ERICH6: variants seen among roughly 807,000 people sequenced by gnomAD.
ERICH6 encodes glutamate-rich protein 6.
ERICH6 carries 71 observed loss-of-function variants against 71.0 expected under a neutral mutation model. The ratio of observed to expected loss-of-function variants is 1.00; its 90% CI spans 0.83 to 1.22. The LOEUF (loss-of-function observed/expected upper bound fraction) is 1.22. Among genes scored for constraint, ERICH6 ranks in the 50% most tolerant of loss-of-function variants. ERICH6 has a pLI of 0.00. For missense variants in ERICH6, 808 were observed against 797.2 expected (o/e 1.01, Z -0.16); for synonymous variants, 262 against 278.4 (o/e 0.94, Z 0.59).
intron 11 of ERICH6, among the ~76,000 whole-genome samples, chr3:150,673,433 C>T (rs1711537014): frequency 6.6e-6 from 1 of 152,106 alleles, no homozygotes; most frequent in Admixed American, 6.6e-5. Flanking sequence ...AAGTAATCCT[C>T]CTGCCTCAGC....
chr3:150,702,235 T>C (rs1712902359), intron 1 of ERICH6, 57 bp from the exon 2 acceptor site: 5 of 779,934 alleles, frequency 6.4e-6, no homozygotes, highest in Non-Finnish European at 1.0e-5. Flanking sequence ...AGGTCAATTC[T>C]ACCCCCCCCA....
intron 1 of ERICH6, among the ~76,000 whole-genome samples, chr3:150,702,922 G>GAGAGAGAGAGAGGGAGAGAGAA (rs1712963392): frequency 7.4e-6 from 1 of 135,336 alleles, no homozygotes; most frequent in South Asian, 2.8e-4. Context: ...GTGTCTGTGA[G>GAGAGAGAGAGAGGGAGAGAGAA]AGAGAGAGAG....
intron 7 of ERICH6, among the ~76,000 whole-genome samples, chr3:150,681,263 C>A (rs1412051413): frequency 6.6e-6 from 1 of 152,156 alleles, no homozygotes; most frequent in African/African-American, 2.4e-5. Flanking sequence ...TTGCCTGTTC[C>A]GTACAGTTTA....
At chr3:150,663,464 CT>C (rs2108036508) in intron 13 of ERICH6, among the ~76,000 whole-genome samples, 1 of 152,154 alleles carries the variant, frequency 6.6e-6, no homozygotes, top group East Asian at 1.9e-4. Flanking sequence ...TAAGTTTTTT[CT>C]TTTTTTCCTA....
chr3:150,674,271 C>T (rs1375487071), intron 10 of ERICH6, among the ~76,000 whole-genome samples: 1 of 151,938 alleles, frequency 6.6e-6, no homozygotes, highest in Non-Finnish European at 1.5e-5. Context: ...TCTGACATTA[C>T]ATATCTATTT....
At chr3:150,694,102 T>C (rs964493623) in intron 3 of ERICH6, among the ~76,000 whole-genome samples, 1 of 152,210 alleles carries the variant, frequency 6.6e-6, no homozygotes, top group Admixed American at 6.5e-5. Flanking sequence ...GCTGTTGTTT[T>C]TCTCCCTTCC....
Position 150,698,772 on chromosome 3 carries a change from A to G in ERICH6, c.553+19T>C. ...GCAATCCCTCCTCCCAGGAAAAGCT[A>G]AGAAATCAAACTACTCACTCGATTG... On this transcript the variant is annotated intron_variant, in intron 3 of 13. Coordinates refer to ENST00000295910, the MANE Select transcript of ERICH6 (RefSeq NM_152394.5). The G allele has an allele frequency of 6.2e-7, 1 of 1,601,288 alleles. No individual in the cohort carries two copies. Among genetic ancestry groups the G allele is most frequent in the South Asian group, 1.1e-5 (1 of 90,714 alleles).
chr3:150,702,970 G>T, intron 1 of ERICH6, among the ~76,000 whole-genome samples: 1 of 108,760 alleles, frequency 9.2e-6, no homozygotes, highest in African/African-American at 3.3e-5. Flanking sequence ...AGAGGGAGGG[G>T]AGGAAGAGGG....
intron 3 of ERICH6, among the ~76,000 whole-genome samples, chr3:150,693,139 T>C (rs530793532): frequency 1.3e-5 from 2 of 152,360 alleles, no homozygotes; most frequent in Admixed American, 1.3e-4. Flanking sequence ...ATTTGGAGTG[T>C]ATTTGTTTTC....
At chr3:150,696,108 A>T (rs969131628) in intron 3 of ERICH6, among the ~76,000 whole-genome samples, 2 of 152,018 alleles carry the variant, frequency 1.3e-5, no homozygotes, top group African/African-American at 4.8e-5. Context: ...GTTCAGTGGA[A>T]CAGAATATTC....
chr3:150,661,181 G>C (rs1045375353), intron 13 of ERICH6, among the ~76,000 whole-genome samples: 28 of 152,206 alleles, frequency 1.8e-4, no homozygotes, highest in African/African-American at 6.8e-4. Flanking sequence ...TGCATATAGA[G>C]AGAAATGACG....
chr3:150,679,849 G>T (rs1470182517), intron 9 of ERICH6, among the ~76,000 whole-genome samples: 1 of 151,960 alleles, frequency 6.6e-6, no homozygotes, highest in Non-Finnish European at 1.5e-5. Context: ...GTAGAGATGG[G>T]GTTTCACTAT....
At chr3:150,660,564 A>AAAAACT (rs1258013854) in intron 13 of ERICH6, among the ~76,000 whole-genome samples, 41 of 152,116 alleles carry the variant, frequency 2.7e-4, no homozygotes, top group Non-Finnish European at 5.9e-5. Context: ...TAGGACTGGG[A>AAAAACT]AAAACTAAAA....
intron 6 of ERICH6, among the ~76,000 whole-genome samples, chr3:150,684,485 C>A (rs1712097485): frequency 6.6e-6 from 1 of 152,060 alleles, no homozygotes; most frequent in Non-Finnish European, 1.5e-5. Context: ...GATTCGTGCC[C>A]CTTATTGTTA....
chr3:150,670,947 T>C (rs1007619342), intron 11 of ERICH6, among the ~76,000 whole-genome samples: 4 of 152,162 alleles, frequency 2.6e-5, no homozygotes, highest in Non-Finnish European at 5.9e-5. Flanking sequence ...AAATGATTAA[T>C]AATAAAAGTT....
At chr3:150,674,150 T>C in intron 10 of ERICH6, 109 bp from the exon 11 acceptor site, 2 of 841,188 alleles carry the variant, frequency 2.4e-6, no homozygotes, top group East Asian at 5.2e-5. Context: ...AATCAATTAT[T>C]AATTTAAATG....
chr3:150,694,223 T>C (rs1209080880), intron 3 of ERICH6, among the ~76,000 whole-genome samples: 1 of 152,132 alleles, frequency 6.6e-6, no homozygotes, highest in African/African-American at 2.4e-5. Context: ...TCTAAAATGC[T>C]TTCTCTGAAA....
chr3:150,682,117 A>C, intron 7 of ERICH6, 101 bp downstream of exon 7: 1 of 1,035,072 alleles, frequency 9.7e-7, no homozygotes, highest in Non-Finnish European at 1.4e-6. Flanking sequence ...GCCCGGCCTA[A>C]CTCTTTTAAA....
intron 13 of ERICH6, 68 bp from the exon 14 acceptor site, chr3:150,660,223 TGA>T: frequency 6.5e-7 from 1 of 1,549,222 alleles, no homozygotes; most frequent in Admixed American, 1.9e-5. Context: ...TGGGAGGAGC[TGA>T]GTCATGGCAC....
Sources: gnomAD v4.1 joint callset for allele counts (sites outside exome capture counted in the v4.1 genomes callset) on GRCh38, gnomAD v4.1.1 for gene constraint, MANE v1.5 for transcripts, NCBI Gene and HGNC (gene_info 2026-07-23, HGNC 2026-07-21) for gene names.